DYNC2LI1: variants seen among roughly 807,000 people sequenced by gnomAD.
The protein encoded by DYNC2LI1 is cytoplasmic dynein 2 light intermediate chain 1.
Under a neutral mutation model 51.9 loss-of-function variants are expected in DYNC2LI1, and 45 were observed. That is an observed-to-expected ratio of 0.87 (90% CI 0.68 to 1.11). The LOEUF is 1.11. DYNC2LI1 is among the 50% of genes most tolerant of loss of function. The probability of loss-of-function intolerance (pLI) is 0.00; values close to 1 mark genes in which losing one functional copy is unlikely to be tolerated. For missense variants in DYNC2LI1, 490 were observed against 417.4 expected (o/e 1.17, Z -1.51); for synonymous variants, 130 against 137.8 (o/e 0.94, Z 0.40).
At chr2:43,823,271 C>G in the DYNC2LI1 span, among the ~76,000 whole-genome samples, 1 of 143,936 alleles carries the variant, frequency 6.9e-6, no homozygotes, top group Non-Finnish European at 1.5e-5. Context: ...TGCAGGATTC[C>G]CCCCACCCCA....
intron 8 of DYNC2LI1, among the ~76,000 whole-genome samples, chr2:43,798,742 G>T (rs1367180392): frequency 2.0e-5 from 3 of 152,186 alleles, no homozygotes; most frequent in African/African-American, 4.8e-5. Flanking sequence ...AAGGAACAGG[G>T]TTTGGGTTAG....
the DYNC2LI1 span, chr2:43,822,962 C>T: frequency 6.2e-7 from 1 of 1,612,382 alleles, no homozygotes; most frequent in African/African-American, 1.3e-5. Flanking sequence ...GGTTTCAGAA[C>T]AGTCAGTCAC....
At chr2:43,793,118 G>T in intron 5 of DYNC2LI1, 1 of 179,616 alleles carries the variant, frequency 5.6e-6, no homozygotes, top group Admixed American at 6.2e-5. Flanking sequence ...ATTCCCATAA[G>T]CAATGTACAG....
chr2:43,826,542 G>C, the DYNC2LI1 span: 6 of 1,614,158 alleles, frequency 3.7e-6, no homozygotes, highest in Non-Finnish European at 5.1e-6. Flanking sequence ...AGAAGGGCCA[G>C]ACTTCTAAGG....
At chr2:43,784,654 G>A (rs1209567993) in intron 3 of DYNC2LI1, among the ~76,000 whole-genome samples, 2 of 152,096 alleles carry the variant, frequency 1.3e-5, no homozygotes, top group South Asian at 2.1e-4. Context: ...GGCTGGTCTC[G>A]AACTCACGAT....
intron 8 of DYNC2LI1, among the ~76,000 whole-genome samples, chr2:43,799,086 G>A (rs1323894959): frequency 1.3e-5 from 2 of 152,130 alleles, no homozygotes. Context: ...GATCAGTTGA[G>A]GCCAGAAGTT....
intron 12 of DYNC2LI1, among the ~76,000 whole-genome samples, chr2:43,807,038 C>T (rs1256899919): frequency 6.6e-6 from 1 of 152,106 alleles, no homozygotes; most frequent in East Asian, 1.9e-4. Context: ...GTAAAGATAC[C>T]CTAACAATTA....
intron 8 of DYNC2LI1, 91 bp downstream of exon 8, chr2:43,796,886 C>G: frequency 1.0e-6 from 1 of 999,708 alleles, no homozygotes; most frequent in Non-Finnish European, 1.6e-6. Context: ...GGAATAAATG[C>G]TTTTGCTAAT....
At chr2:43,784,634 A>G (rs1192209206) in intron 3 of DYNC2LI1, among the ~76,000 whole-genome samples, 1 of 152,090 alleles carries the variant, frequency 6.6e-6, no homozygotes, top group Non-Finnish European at 1.5e-5. Context: ...GGGTTTCTCC[A>G]TGTTGGTCAG....
At chr2:43,805,723 C>T (rs1432405159) in intron 12 of DYNC2LI1, among the ~76,000 whole-genome samples, 1 of 152,130 alleles carries the variant, frequency 6.6e-6, no homozygotes, top group African/African-American at 2.4e-5. Flanking sequence ...CACAGACATA[C>T]CTGACATAAC....
chr2:43,789,686 C>T lies in DYNC2LI1; in HGVS notation c.285C>T (p.Asp95=), dbSNP rs767007849. ...WELGGGTSLL[D]LISIPITGDT... ...TCGGTGGAGGAACCTCTTTATTGGA[C>T]TTAATCAGCATACCCATCACAGGTG... Residue 95 remains aspartate (D), a synonymous_variant, in exon 5 of 13, where the codon GAC becomes GAT. Transcript: ENST00000260605. The T allele has an allele frequency of 2.2e-5, 36 of 1,613,752 alleles. No individual in the cohort carries two copies. Among genetic ancestry groups the T allele is most frequent in the Non-Finnish European group, 3.1e-5 (36 of 1,179,884 alleles).
At chr2:43,824,087 G>A in the DYNC2LI1 span, 1 of 1,614,214 alleles carries the variant, frequency 6.2e-7, no homozygotes, top group Non-Finnish European at 8.5e-7. Flanking sequence ...ATCACTGCCA[G>A]CTTATTTCTC....
At chr2:43,800,962 T>C (rs1472528570) in intron 9 of DYNC2LI1, 45 bp downstream of exon 9, 3 of 1,322,000 alleles carry the variant, frequency 2.3e-6, no homozygotes, top group Non-Finnish European at 3.2e-6. Context: ...GTGATTGATT[T>C]AGCCAATGTT....
At chr2:43,802,378 T>G (rs1464039699) in intron 10 of DYNC2LI1, among the ~76,000 whole-genome samples, 9 of 151,816 alleles carry the variant, frequency 5.9e-5, no homozygotes, top group Admixed American at 1.3e-4. Flanking sequence ...AGTAGGGTTT[T>G]TTTTTTTTTT....
chr2:43,779,548 C>T (rs528592055), intron 2 of DYNC2LI1, among the ~76,000 whole-genome samples: 19 of 152,140 alleles, frequency 1.2e-4, no homozygotes, highest in Non-Finnish European at 2.1e-4. Flanking sequence ...AGGACTTGTA[C>T]ACCAACAATG....
chr2:43,822,729 T>G, the DYNC2LI1 span: 1 of 1,610,270 alleles, frequency 6.2e-7, no homozygotes, highest in East Asian at 2.2e-5. Context: ...GAGCTCTCCC[T>G]GCACGAGTCC....
the DYNC2LI1 span, chr2:43,822,692 T>C: frequency 6.3e-7 from 1 of 1,579,750 alleles, no homozygotes; most frequent in Non-Finnish European, 8.6e-7. Flanking sequence ...AAAGTGTAGA[T>C]CCTCCAGAGC....
At chr2:43,826,106 G>C in the DYNC2LI1 span, among the ~76,000 whole-genome samples, 1,513 of 151,998 alleles carry the variant, frequency 1.0e-2, 19 homozygotes, top group African/African-American at 0.035. Flanking sequence ...CTTCCAAGTA[G>C]CTGGGACCAC....
intron 12 of DYNC2LI1, among the ~76,000 whole-genome samples, chr2:43,808,569 T>A (rs1224236134): frequency 3.9e-5 from 6 of 152,208 alleles, no homozygotes; most frequent in Admixed American, 3.9e-4. Flanking sequence ...GATGGTCCCT[T>A]TTACATGTCA....
Sources: gnomAD v4.1 joint callset for allele counts (sites outside exome capture counted in the v4.1 genomes callset) on GRCh38, gnomAD v4.1.1 for gene constraint, MANE v1.5 for transcripts, NCBI Gene and HGNC (gene_info 2026-07-23, HGNC 2026-07-21) for gene names.